Variants in ADSS1 observed in about 807,000 individuals in gnomAD.
ADSS1 encodes adenylosuccinate synthetase isozyme 1.
In ADSS1, 57 loss-of-function variants were observed where a neutral mutation model predicts 59.1. That is an observed-to-expected ratio of 0.97 (90% CI 0.78 to 1.20). The LOEUF is 1.20. Among genes scored for constraint, ADSS1 ranks in the 50% most tolerant of loss-of-function variants. The pLI, the probability that ADSS1 is intolerant of heterozygous loss-of-function variation, is 0.00. For synonymous variants in ADSS1, 247 were observed against 249.4 expected (o/e 0.99, Z 0.09); for missense variants, 603 against 610.3 (o/e 0.99, Z 0.13).
At chr14:104,730,357 G>A in intron 1 of ADSS1, 1 of 924,324 alleles carries the variant, frequency 1.1e-6, no homozygotes, top group South Asian at 2.1e-5. Context: ...GGGCATGCTG[G>A]TGGGCGCCTG....
intron 1 of ADSS1, among the ~76,000 whole-genome samples, chr14:104,734,735 C>T (rs1891054219): frequency 6.6e-6 from 1 of 152,286 alleles, no homozygotes; most frequent in African/African-American, 2.4e-5. Context: ...GAGCGGGGCC[C>T]GCAGCTGCAG....
intron 4 of ADSS1, 36 bp downstream of exon 4, chr14:104,739,414 C>T (rs1161079214): frequency 1.9e-6 from 3 of 1,583,808 alleles, no homozygotes; most frequent in African/African-American, 1.3e-5. Flanking sequence ...AACAGCCCCT[C>T]CTGCCCCCAC....
rs761826434 is a variant in ADSS1, at chr14:104,741,156, GTTTAC to G, written c.711_715del (p.Phe238ValfsTer2). On this transcript the variant is annotated frameshift_variant, in exon 8 of 13. Coordinates refer to ENST00000330877, the MANE Select transcript of ADSS1 (RefSeq NM_152328.5). LOFTEE classifies it high-confidence loss of function. ...GATCAGACCCATGGTCCGAGATGGT[GTTTAC>G]TTTATGTATGAGGCACTCCACGGCC... The G allele has an allele frequency of 3.6e-5, 58 of 1,612,244 alleles. 3 individuals are homozygous for G. The South Asian group carries it at 5.7e-4, about 16-fold the overall frequency.
At chr14:104,728,334 C>T (rs1052311526) in intron 1 of ADSS1, among the ~76,000 whole-genome samples, 17 of 152,140 alleles carry the variant, frequency 1.1e-4, no homozygotes, top group African/African-American at 4.1e-4. Flanking sequence ...TGGGCCGTGG[C>T]TCCAGGACAG....
chr14:104,729,884 G>A lies in ADSS1; in HGVS notation c.193-5136G>A, dbSNP rs1340655463. The A allele has an allele frequency of 1.3e-6, 2 of 1,488,670 alleles. 1 individual carries two copies. The highest frequency in any genetic ancestry group is 4.4e-5 in the Admixed American group (2 of 45,140). The allele number at this position is 1,488,670 out of a possible 1,614,324, so 92.2% of individuals were successfully genotyped here. On this transcript the variant is annotated intron_variant, in intron 1 of 12. Transcript: ENST00000330877. The stretch of plus-strand genomic sequence containing the variant: ...GCGTCGGCGTCGTGGGGAGGAGCGT[G>A]GCGTCGGCATGGTGGGGAGGAGCTG...
intron 8 of ADSS1, among the ~76,000 whole-genome samples, chr14:104,741,529 G>A (rs1891354987): frequency 6.6e-6 from 1 of 152,158 alleles, no homozygotes; most frequent in Non-Finnish European, 1.5e-5. Context: ...CCCTTCCGAT[G>A]GTCTGTACAG....
intron 1 of ADSS1, among the ~76,000 whole-genome samples, chr14:104,725,701 C>T (rs930560451): frequency 3.3e-5 from 5 of 152,178 alleles, no homozygotes; most frequent in African/African-American, 9.7e-5. Flanking sequence ...GCCTCTGCCC[C>T]GCCACCTTGT....
chr14:104,740,272 C>T lies in ADSS1; in HGVS notation c.477-329C>T, dbSNP rs1480147738. Among the ~76,000 whole-genome samples, 1 of 151,374 alleles carries T rather than the reference C, an allele frequency of 6.6e-6. No homozygotes were observed. Among genetic ancestry groups the T allele is most frequent in the Non-Finnish European group, 1.5e-5 (1 of 67,744 alleles). On this transcript the variant is annotated intron_variant, in intron 5 of 12. Transcript: ENST00000330877. The surrounding 1 kb of genome is among the most constrained non-coding windows in gnomAD (Gnocchi z 4.8). ...ACACAGGCACACACTCATGCTCTTA[C>T]ATACACACCACACGCCCACGCATGC... is the stretch of plus-strand genomic sequence containing the variant.
intron 1 of ADSS1, among the ~76,000 whole-genome samples, chr14:104,725,267 G>A (rs1595191302): frequency 6.6e-6 from 1 of 152,324 alleles, no homozygotes; most frequent in African/African-American, 2.4e-5. Context: ...GCCACCCTGG[G>A]GCTACATGCC....
chr14:104,744,508 G>C, intron 10 of ADSS1: 1 of 289,486 alleles, frequency 3.5e-6, no homozygotes, highest in African/African-American at 2.2e-5. Context: ...CTGATCTTCA[G>C]GCATTCGATT....
At chr14:104,742,944 G>A (rs1891423479) in intron 9 of ADSS1, 123 bp from the exon 10 acceptor site, 5 of 1,415,624 alleles carry the variant, frequency 3.5e-6, no homozygotes, top group South Asian at 2.5e-5. Context: ...AAGGACTGTC[G>A]GTGGAGGCGG....
At chr14:104,726,064 G>A (rs956761681) in intron 1 of ADSS1, among the ~76,000 whole-genome samples, 5 of 152,080 alleles carry the variant, frequency 3.3e-5, no homozygotes, top group African/African-American at 9.7e-5. Context: ...AGCCCATCCC[G>A]CACTCCGGCC....
At chr14:104,726,313 C>T (rs142916892) in intron 1 of ADSS1, among the ~76,000 whole-genome samples, 2 of 152,348 alleles carry the variant, frequency 1.3e-5, no homozygotes, top group African/African-American at 2.4e-5. Flanking sequence ...ACTGGTGCCA[C>T]GTGCCCACCA....
At position 104,744,884 on chromosome 14, in the gene ADSS1, CGGGAAAAGGATTCCCTATTTCCCA is replaced by C. The variant is rs754186393; in HGVS notation, c.1149_1171+1del. The C allele has an allele frequency of 1.2e-6, 2 of 1,613,980 alleles. No homozygotes were observed. The highest frequency in any genetic ancestry group is 1.7e-6 in the Non-Finnish European group (2 of 1,179,996). On this transcript the variant is annotated inframe_deletion and splice_region_variant, in exon 11 of 13. Coordinates refer to ENST00000330877, the MANE Select transcript of ADSS1 (RefSeq NM_152328.5). Reference sequence around the variant, plus strand: ...AAGTCGGTGTCTCATACAAGCTGAACGGGAAAAGGATTCCCTATTTCCCAGGTATGTGAAGTGGGGCAACCGTTC... The same window carrying C: ...AAGTCGGTGTCTCATACAAGCTGAACGGTATGTGAAGTGGGGCAACCGTTC...
intron 1 of ADSS1, among the ~76,000 whole-genome samples, chr14:104,730,481 C>T (rs1188772735): frequency 6.6e-6 from 1 of 152,012 alleles, no homozygotes; most frequent in Non-Finnish European, 1.5e-5. Context: ...CAGAGTGAGA[C>T]CCTGTCTCAA....
At chr14:104,746,213 C>T in intron 11 of ADSS1, 23 bp from the exon 12 acceptor site, 2 of 1,590,782 alleles carry the variant, frequency 1.3e-6, no homozygotes, top group African/African-American at 1.3e-5. Context: ...GGGCCCCACT[C>T]ATCTCCTGTG....
chr14:104,733,826 G>A lies in ADSS1; in HGVS notation c.193-1194G>A, dbSNP rs953432609. On this transcript the variant is annotated intron_variant, in intron 1 of 12. Coordinates refer to ENST00000330877, the MANE Select transcript of ADSS1 (RefSeq NM_152328.5). ...GCAGGGTATCCGTGTGTGGCCCCCC[G>A]CAACCCCACCGGGACCCTGCTTACC... is the stretch of plus-strand genomic sequence containing the variant. Among the ~76,000 whole-genome samples the A allele has an allele frequency of 6.6e-5, 10 of 152,248 alleles. No homozygotes were observed. In the East Asian group the frequency reaches 7.7e-4, roughly 12 times the overall value.
chr14:104,744,553 G>T, intron 10 of ADSS1: 1 of 483,904 alleles, frequency 2.1e-6, no homozygotes, highest in Non-Finnish European at 3.7e-6. Flanking sequence ...TCCCTCGCAT[G>T]CACAGTTCAC....
intron 10 of ADSS1, 35 bp downstream of exon 10, chr14:104,743,226 G>A (rs750802792): frequency 3.3e-5 from 53 of 1,601,604 alleles, no homozygotes; most frequent in Admixed American, 3.3e-5. Context: ...CACTGGGACC[G>A]TCCCTGACTC....
Sources: allele counts gnomAD v4.1 joint callset (sites outside exome capture counted in the v4.1 genomes callset), GRCh38; gene constraint gnomAD v4.1.1; non-coding constraint Gnocchi (gnomAD v3.1); transcripts MANE v1.5; gene names NCBI Gene and HGNC (gene_info 2026-07-23, HGNC 2026-07-21).